The following FRMD4A variants were observed in gnomAD, a reference collection of about 807,000 sequenced individuals.
FRMD4A encodes FERM domain containing 4A.
A neutral mutation model predicts 129.1 loss-of-function variants in FRMD4A; 29 were observed. The observed-to-expected ratio is 0.22, with a 90% confidence interval of 0.17 to 0.31. The LOEUF is 0.31. Ranked by LOEUF, FRMD4A falls within the 10% of genes least tolerant of loss-of-function variation. The pLI, the probability that FRMD4A is intolerant of heterozygous loss-of-function variation, is 1.00. For synonymous variants in FRMD4A, 634 were observed against 571.6 expected (o/e 1.11, Z -1.56); for missense variants, 1,272 against 1,375.8 (o/e 0.92, Z 1.19).
At chr10:13,845,388 C>T (rs936828700) in intron 3 of FRMD4A, among the ~76,000 whole-genome samples, 7 of 152,150 alleles carry the variant, frequency 4.6e-5, no homozygotes, top group African/African-American at 1.7e-4. Context: ...GGACTGTCAA[C>T]CCATCACTTT....
chr10:13,813,375 AGGTT>A (rs1389731975), intron 3 of FRMD4A, among the ~76,000 whole-genome samples: 1 of 152,160 alleles, frequency 6.6e-6, no homozygotes, highest in African/African-American at 2.4e-5. Flanking sequence ...TGGGAGGTGG[AGGTT>A]GCAGTGAGTA....
At chr10:14,240,674 T>C (rs1365694715) in intron 2 of FRMD4A, among the ~76,000 whole-genome samples, 2 of 152,192 alleles carry the variant, frequency 1.3e-5, no homozygotes, top group African/African-American at 2.4e-5. Context: ...TTCAGCAAGA[T>C]TGAAACTGCC....
At chr10:14,118,629 C>T (rs1367241278) in intron 2 of FRMD4A, among the ~76,000 whole-genome samples, 5 of 152,138 alleles carry the variant, frequency 3.3e-5, no homozygotes, top group African/African-American at 1.2e-4. Context: ...GGAGGCCTCA[C>T]AATCATGGTG....
chr10:14,004,069 G>A (rs1485305729), intron 2 of FRMD4A, among the ~76,000 whole-genome samples: 2 of 152,208 alleles, frequency 1.3e-5, no homozygotes, highest in Non-Finnish European at 1.5e-5. Flanking sequence ...TGGGATTCAC[G>A]TGTAGTCAGT....
chr10:14,138,851 T>A (rs1368944232), intron 2 of FRMD4A, among the ~76,000 whole-genome samples: 1 of 152,220 alleles, frequency 6.6e-6, no homozygotes, highest in Non-Finnish European at 1.5e-5. Flanking sequence ...GTAGGGCAAC[T>A]GCTGAGATAA....
intron 2 of FRMD4A, among the ~76,000 whole-genome samples, chr10:14,237,391 C>T (rs1447389831): frequency 6.6e-6 from 1 of 152,114 alleles, no homozygotes; most frequent in Non-Finnish European, 1.5e-5. Flanking sequence ...AGTGCAATGG[C>T]AGGATCTCAG....
Position 13,707,020 on chromosome 10 carries a change from G to C in FRMD4A, c.836+17C>G. ...AGAGCCACGCCATCCCGCAAGAAAAGGACTTTTCAAGCTTACCTGCGTGGG... is the reference window on the plus strand; with the variant it reads ...AGAGCCACGCCATCCCGCAAGAAAACGACTTTTCAAGCTTACCTGCGTGGG... On this transcript the variant is annotated intron_variant, in intron 13 of 24. Coordinates refer to ENST00000357447, the MANE Select transcript of FRMD4A (RefSeq NM_018027.5). 2 of 1,387,324 alleles carry C rather than the reference G, an allele frequency of 1.4e-6. No homozygotes were observed. The highest frequency in any genetic ancestry group is 3.5e-4 in the Middle Eastern group (2 of 5,652). The allele number at this position is 1,387,324 out of a possible 1,614,324, so 85.9% of individuals were successfully genotyped here. A position where few individuals can be genotyped will look rare whatever the true frequency, so the allele number is the denominator to read the frequency against.
At chr10:13,995,378 G>C (rs11258787) in intron 2 of FRMD4A, among the ~76,000 whole-genome samples, 54,151 of 152,086 alleles carry the variant, frequency 0.36, 12,140 homozygotes, top group Non-Finnish European at 0.5. Flanking sequence ...GAGGCCAAGA[G>C]TTTTGAGACC....
chr10:13,723,270 G>C (rs190174989), intron 12 of FRMD4A, among the ~76,000 whole-genome samples: 6 of 152,318 alleles, frequency 3.9e-5, no homozygotes, highest in Admixed American at 2.6e-4. Context: ...AGTAACCCTG[G>C]TTTGTTTGAT....
Position 13,656,661 on chromosome 10 carries a change from C to A in FRMD4A, c.2928G>T (p.Met976Ile). 6.7e-7 allele frequency: 1 copy of A among 1,501,888 alleles called. No individual in the cohort carries two copies. The highest frequency in any genetic ancestry group is 2.1e-5 in the Admixed American group (1 of 48,330). 93.0% of individuals were successfully genotyped at this position (1,501,888 alleles called of 1,614,324 possible). The part of the protein sequence containing the change: ...TFVAHSRVTR[M>I]PQMCKATSAA... Reference sequence around the variant, plus strand: ...CTGACGTGGCCTTGCACATCTGGGGCATCCTGGTGACCCTGCTGTGCGCCA... The same window carrying A: ...CTGACGTGGCCTTGCACATCTGGGGAATCCTGGTGACCCTGCTGTGCGCCA... The change falls in exon 22 of 25, where the codon ATG becomes ATT. Residue 976 changes from methionine (M) to isoleucine (I), a missense_variant. Coordinates refer to ENST00000357447, the MANE Select transcript of FRMD4A (RefSeq NM_018027.5).
intron 2 of FRMD4A, among the ~76,000 whole-genome samples, chr10:14,253,071 T>C (rs368903934): frequency 6.6e-6 from 1 of 152,244 alleles, no homozygotes; most frequent in Non-Finnish European, 1.5e-5. Context: ...TTAAGTCAAA[T>C]AGATTCTTTT....
chr10:14,124,964 A>T (rs1314636097), intron 2 of FRMD4A, among the ~76,000 whole-genome samples: 2 of 152,214 alleles, frequency 1.3e-5, no homozygotes, highest in Non-Finnish European at 2.9e-5. Context: ...GAAGGACAGA[A>T]AGACAGAAGA....
intron 15 of FRMD4A, among the ~76,000 whole-genome samples, chr10:13,678,601 C>T (rs1046668542): frequency 1.3e-5 from 2 of 152,198 alleles, no homozygotes; most frequent in Non-Finnish European, 2.9e-5. Flanking sequence ...AGCATGTGTG[C>T]GCACGCGCAC....
intron 2 of FRMD4A, among the ~76,000 whole-genome samples, chr10:14,231,303 C>A (rs528399462): frequency 6.6e-6 from 1 of 151,904 alleles, no homozygotes; most frequent in African/African-American, 2.4e-5. Flanking sequence ...TTGACTTTTT[C>A]ATAATAGCTA....
At chr10:14,287,505 G>C (rs1845719957) in intron 2 of FRMD4A, among the ~76,000 whole-genome samples, 1 of 152,122 alleles carries the variant, frequency 6.6e-6, no homozygotes, top group African/African-American at 2.4e-5. Context: ...TATTTCAAAA[G>C]ATAACAAAGG....
chr10:14,232,974 T>C (rs1401829089), intron 2 of FRMD4A, among the ~76,000 whole-genome samples: 1 of 152,116 alleles, frequency 6.6e-6, no homozygotes, highest in East Asian at 1.9e-4. Context: ...ACAGATAGAG[T>C]TGTAGAGTAG....
At chr10:13,925,619 C>T (rs2095124833) in intron 2 of FRMD4A, among the ~76,000 whole-genome samples, 1 of 109,238 alleles carries the variant, frequency 9.2e-6, no homozygotes, top group Non-Finnish European at 1.7e-5. Context: ...AGTCTCACTC[C>T]GTTGCCCAGG....
At position 13,909,139 on chromosome 10, in the gene FRMD4A, T is replaced by C. The variant is rs74121778; in HGVS notation, c.46-50227A>G. Among the ~76,000 whole-genome samples the C allele has an allele frequency of 7.0e-3, 1,074 of 152,352 alleles. 16 individuals carry two copies. Among genetic ancestry groups the C allele is most frequent in the African/African-American group, 0.024 (999 of 41,574 alleles). ...TTACATATCTTTTTCCTCTGGAATG[T>C]AAGCCCTTTGCAGGCAGGATTTTTG... On this transcript the variant is annotated intron_variant, in intron 2 of 24. Coordinates refer to ENST00000357447, the MANE Select transcript of FRMD4A (RefSeq NM_018027.5).
chr10:13,662,233 G>A (rs763029789), intron 19 of FRMD4A, among the ~76,000 whole-genome samples: 1 of 152,116 alleles, frequency 6.6e-6, no homozygotes, highest in Non-Finnish European at 1.5e-5. Context: ...GCCCAATGGC[G>A]TCCCCGGCTT....
Sources: allele counts gnomAD v4.1 joint callset (sites outside exome capture counted in the v4.1 genomes callset), GRCh38; gene constraint gnomAD v4.1.1; transcripts MANE v1.5; gene names NCBI Gene and HGNC (gene_info 2026-07-23, HGNC 2026-07-21).